ANPEP: variants seen among roughly 807,000 people sequenced by gnomAD.
The protein encoded by ANPEP is aminopeptidase N.
A neutral mutation model predicts 114.6 loss-of-function variants in ANPEP; 70 were observed. The observed-to-expected ratio is 0.61, with a 90% CI of 0.50 to 0.75. ANPEP has a LOEUF of 0.75. ANPEP is among the 30% of genes least tolerant of loss of function. The pLI, the probability that ANPEP is intolerant of heterozygous loss-of-function variation, is 0.00. For synonymous variants in ANPEP, 548 were observed against 522.3 expected (o/e 1.05, Z -0.67); for missense variants, 1,184 against 1,259.5 (o/e 0.94, Z 0.91).
At position 89,804,534 on chromosome 15, in the gene ANPEP, G is replaced by T; in HGVS notation, c.981C>A (p.Phe327Leu). The T allele has an allele frequency of 1.9e-6, 3 of 1,614,238 alleles. No homozygotes were observed. The highest frequency in any genetic ancestry group is 2.5e-6 in the Non-Finnish European group (3 of 1,180,032). Reference sequence around the variant, plus strand: ...AGGGTGTGTCATAATGACCAGCAAAGAAGTTAAGGATGGGGCCCGTCACGT... The same window carrying T: ...AGGGTGTGTCATAATGACCAGCAAATAAGTTAAGGATGGGGCCCGTCACGT... ...ALNVTGPILN[F>L]FAGHYDTPYP... Residue 327 changes from phenylalanine to leucine, a missense_variant, in exon 5 of 21, where the codon TTC (phenylalanine) becomes TTA (leucine). Transcript: ENST00000300060.
At chr15:89,788,804 G>T (rs1968560824) in intron 20 of ANPEP, among the ~76,000 whole-genome samples, 1 of 134,464 alleles carries the variant, frequency 7.4e-6, no homozygotes, top group African/African-American at 3.1e-5. Context: ...TATTTATTTA[G>T]AGATGAGATC....
intron 14 of ANPEP, among the ~76,000 whole-genome samples, chr15:89,798,650 G>A (rs374921425): frequency 3.3e-5 from 5 of 150,872 alleles, no homozygotes; most frequent in African/African-American, 1.2e-4. Flanking sequence ...AAAAAAAAGC[G>A]GGGGGGCATG....
chr15:89,792,100 C>T, intron 18 of ANPEP, 60 bp downstream of exon 18: 1 of 1,569,894 alleles, frequency 6.4e-7, no homozygotes, highest in Non-Finnish European at 8.7e-7. Context: ...GTGTGGAGGC[C>T]TGCCTGGTTC....
In ANPEP at chr15:89,793,337, G is replaced by A. The variant is rs1596162439; in HGVS notation, c.2158-211C>T. The A allele has an allele frequency of 8.3e-6, 4 of 484,730 alleles. No homozygotes were observed. In the East Asian group the frequency reaches 1.4e-4, roughly 17 times the overall value. 30.0% of individuals were successfully genotyped at this position (484,730 alleles called of 1,614,324 possible). On this transcript the variant is annotated intron_variant, in intron 15 of 20. Transcript: ENST00000300060. ...TTTCTGCTTAAAGCCTTAGTCAGTT[G>A]CAATATTCTTTGTCTACGGGTCACC...
chr15:89,797,138 C>T (rs971105007), intron 15 of ANPEP, among the ~76,000 whole-genome samples: 2 of 152,188 alleles, frequency 1.3e-5, no homozygotes, highest in Non-Finnish European at 2.9e-5. Flanking sequence ...AGGTAGAGGC[C>T]TGCCCATCTG....
chr15:89,807,514 C>T (rs868377898), intron 1 of ANPEP, among the ~76,000 whole-genome samples: 8 of 152,176 alleles, frequency 5.3e-5, no homozygotes, highest in Middle Eastern at 6.8e-3. Context: ...GCCTGGCCAA[C>T]ATGGCGAAAC....
rs1046979527 is a variant in ANPEP, at chr15:89,813,994, G to A, written c.-224+778C>T. ...CCGTCCCTGCCCACCGCACTGCTGG[G>A]GGGGGGGGGTGCGTTCTGGAGTCAT... is the stretch of plus-strand genomic sequence containing the variant. On this transcript the variant is annotated intron_variant, in intron 1 of 20. Transcript: ENST00000300060. Among the ~76,000 whole-genome samples, 4 of 146,102 alleles carry A rather than the reference G, an allele frequency of 2.7e-5. No individual in the cohort carries two copies. The East Asian group carries it at 9.1e-4, about 33-fold the overall frequency.
intron 18 of ANPEP, among the ~76,000 whole-genome samples, chr15:89,791,421 T>C (rs1292455705): frequency 3.7e-5 from 1 of 27,200 alleles, no homozygotes; most frequent in Non-Finnish European, 7.8e-5. Flanking sequence ...TGGCCCTTCT[T>C]TTCTTTTCTT....
At chr15:89,787,808 A>G (rs1475341297) in intron 20 of ANPEP, among the ~76,000 whole-genome samples, 1 of 152,214 alleles carries the variant, frequency 6.6e-6, no homozygotes, top group Non-Finnish European at 1.5e-5. Flanking sequence ...TCGAAAAGAA[A>G]AATAGTCAGT....
rs765867634 is a variant in ANPEP at position 89,805,427 on chromosome 15, G to A, written c.651C>T (p.Ala217=). 1 of 1,614,178 alleles carries A rather than the reference G, an allele frequency of 6.2e-7. No individual in the cohort carries two copies. The highest frequency in any genetic ancestry group is 1.1e-5 in the South Asian group (1 of 91,090). Residue 217 remains alanine, a synonymous_variant, in exon 3 of 21, where the codon GCC becomes GCT. Transcript: ENST00000300060. ...CATCGAAGCATGGGAAGGACTTCCG[G>A]GCATCTGCAGCCTGCATCTGTGTAG... ...VATTQMQAAD[A]RKSFPCFDEP... is the part of the protein sequence containing the mutation.
chr15:89,809,109 C>T (rs1376865603), intron 1 of ANPEP, among the ~76,000 whole-genome samples: 1 of 152,214 alleles, frequency 6.6e-6, no homozygotes, highest in Non-Finnish European at 1.5e-5. Flanking sequence ...GGAAGGGCTC[C>T]AGCTTGGGCG....
At chr15:89,791,174 C>A in intron 18 of ANPEP, 81 bp from the exon 19 acceptor site, 1 of 1,501,438 alleles carries the variant, frequency 6.7e-7, no homozygotes, top group Non-Finnish European at 9.1e-7. Context: ...CGCACATCAC[C>A]TATGCCTGCA....
In ANPEP at chr15:89,792,329, T is replaced by G. The variant is rs751188045; in HGVS notation, c.2361-2A>C. On this transcript the variant is annotated splice_acceptor_variant, in intron 17 of 20. Coordinates refer to ENST00000300060, the MANE Select transcript of ANPEP (RefSeq NM_001150.3). LOFTEE classifies it high-confidence loss of function. ...GTGGACCGCAGGTTGGGGTGGATCCTGGTGTGGGGTAGGGAGGTCAGGTGT... is the reference window on the plus strand; with the variant it reads ...GTGGACCGCAGGTTGGGGTGGATCCGGGTGTGGGGTAGGGAGGTCAGGTGT... 1.2e-6 allele frequency: 2 copies of G among 1,613,964 alleles called. No homozygotes were observed. Among genetic ancestry groups the G allele is most frequent in the Non-Finnish European group, 1.7e-6 (2 of 1,179,920 alleles).
chr15:89,787,422 A>C (rs1968528615), intron 20 of ANPEP, among the ~76,000 whole-genome samples: 2 of 152,176 alleles, frequency 1.3e-5, no homozygotes, highest in Admixed American at 1.3e-4. Flanking sequence ...AATAGGTATA[A>C]ATCTTCATGA....
At chr15:89,814,223 C>G (rs1205034975) in intron 1 of ANPEP, among the ~76,000 whole-genome samples, 1 of 152,062 alleles carries the variant, frequency 6.6e-6, no homozygotes, top group African/African-American at 2.4e-5. Flanking sequence ...GTAACGCGGG[C>G]GTTGAGCACC....
chr15:89,805,019 G>A, intron 4 of ANPEP, 59 bp downstream of exon 4: 3 of 1,609,348 alleles, frequency 1.9e-6, no homozygotes, highest in Non-Finnish European at 2.6e-6. Context: ...GAAGAGAACG[G>A]GAAGACCCCT....
At chr15:89,802,769 G>A (rs970030620) in intron 10 of ANPEP, 4 of 186,084 alleles carry the variant, frequency 2.1e-5, no homozygotes, top group Non-Finnish European at 3.4e-5. Context: ...GGGGCTGTGC[G>A]GGGTCTGATG....
At chr15:89,796,924 G>A (rs1331115012) in intron 15 of ANPEP, among the ~76,000 whole-genome samples, 1 of 152,176 alleles carries the variant, frequency 6.6e-6, no homozygotes, top group East Asian at 1.9e-4. Context: ...AAGTATTTGT[G>A]TTTTGTTTGC....
rs955274195 is a variant in ANPEP, at chr15:89,793,288, G to T, written c.2158-162C>A. On this transcript the variant is annotated intron_variant, in intron 15 of 20. Transcript: ENST00000300060. ...TCAAAGGGGCCCATAGAAGTCTAGAGTTCAAATAACTGAGCTGAGTTTCTT... is the reference window on the plus strand; with the variant it reads ...TCAAAGGGGCCCATAGAAGTCTAGATTTCAAATAACTGAGCTGAGTTTCTT... 4 of 577,520 alleles carry T rather than the reference G, an allele frequency of 6.9e-6. No homozygotes were observed. The African/African-American group carries it at 7.6e-5, about 11-fold the overall frequency. The allele number at this position is 577,520 out of a possible 1,614,324, so 35.8% of individuals were successfully genotyped here.
Sources: allele counts gnomAD v4.1 joint callset (sites outside exome capture counted in the v4.1 genomes callset), GRCh38; gene constraint gnomAD v4.1.1; transcripts MANE v1.5; gene names NCBI Gene and HGNC (gene_info 2026-07-23, HGNC 2026-07-21).